AGT: variants seen among roughly 807,000 people sequenced by gnomAD.
The protein encoded by AGT is angiotensinogen.
Under a neutral mutation model 28.1 loss-of-function variants are expected in AGT, and 26 were observed. The observed-to-expected ratio is 0.92, with a 90% CI of 0.68 to 1.28. The LOEUF is 1.28. Among genes scored for constraint, AGT ranks in the 50% most tolerant of loss-of-function variants. AGT has a pLI of 0.00. For missense variants in AGT, 596 were observed against 592.3 expected (o/e 1.01, Z -0.06); for synonymous variants, 259 against 259.6 (o/e 1.00, Z 0.02).
intron 2 of AGT, among the ~76,000 whole-genome samples, chr1:230,709,154 A>G (rs1003052626): frequency 1.3e-5 from 2 of 152,238 alleles, no homozygotes; most frequent in Non-Finnish European, 1.5e-5. Flanking sequence ...GCATTTGCCC[A>G]TTGACCTTTA....
At chr1:230,739,095 C>T (rs1251418315) in intron 1 of AGT, among the ~76,000 whole-genome samples, 3 of 151,988 alleles carry the variant, frequency 2.0e-5, no homozygotes, top group Non-Finnish European at 4.4e-5. Flanking sequence ...CAGTGGCTCA[C>T]ATCTGTAACC....
At chr1:230,734,870 T>C (rs548986729) in intron 1 of AGT, among the ~76,000 whole-genome samples, 11 of 152,020 alleles carry the variant, frequency 7.2e-5, no homozygotes, top group South Asian at 4.2e-4. Context: ...CCACCACGCC[T>C]GGCTAACTTT....
upstream of AGT, among the ~76,000 whole-genome samples, chr1:230,714,723 AC>A (rs113899102): frequency 6.2e-3 from 940 of 152,286 alleles, 9 homozygotes; most frequent in African/African-American, 0.021. Context: ...TTAAACACCA[AC>A]AATAGCACAG....
chr1:230,704,105 T>A (rs913933367), intron 4 of AGT, 88 bp downstream of exon 4: 10 of 1,601,152 alleles, frequency 6.2e-6, no homozygotes, highest in Non-Finnish European at 8.6e-6. Context: ...GCCCCACCCA[T>A]AGCCTCCTCT....
upstream of AGT, among the ~76,000 whole-genome samples, chr1:230,719,412 T>TTTGTTTGTTTGTTTTTGTTTTG (rs1663801974): frequency 2.6e-5 from 2 of 76,078 alleles, no homozygotes; most frequent in Admixed American, 2.7e-4. Flanking sequence ...TTATGTTTTT[T>TTTGTTTGTTTGTTTTTGTTTTG]TTTTTTTTTT....
At chr1:230,713,018 C>T (rs2102793284) in intron 1 of AGT, among the ~76,000 whole-genome samples, 1 of 152,334 alleles carries the variant, frequency 6.6e-6, no homozygotes. Flanking sequence ...ACCCCTCTGA[C>T]CTCACCATAG....
intron 1 of AGT, among the ~76,000 whole-genome samples, chr1:230,720,028 G>A (rs1440641918): frequency 6.6e-6 from 1 of 152,162 alleles, no homozygotes; most frequent in African/African-American, 2.4e-5. Flanking sequence ...AAGGTTTAGG[G>A]GGTGGATATT....
At chr1:230,732,851 G>A (rs1664091183) in intron 1 of AGT, among the ~76,000 whole-genome samples, 1 of 152,146 alleles carries the variant, frequency 6.6e-6, no homozygotes, top group South Asian at 2.1e-4. Flanking sequence ...TCCAAGAAGT[G>A]GCCCCACATA....
intron 1 of AGT, among the ~76,000 whole-genome samples, chr1:230,727,681 T>C (rs1021663505): frequency 6.6e-6 from 1 of 152,232 alleles, no homozygotes; most frequent in African/African-American, 2.4e-5. Flanking sequence ...ATGCCTAGAA[T>C]GGGAAAATGA....
intron 1 of AGT, among the ~76,000 whole-genome samples, chr1:230,726,429 T>C (rs957052184): frequency 6.6e-6 from 1 of 152,090 alleles, no homozygotes; most frequent in African/African-American, 2.4e-5. Flanking sequence ...AGTCCTTCCA[T>C]ACCCCTTCAC....
Position 230,710,730 on chromosome 1 carries a change from A to G in AGT, c.94T>C (p.Phe32Leu). ...CTCTCATTGTGGATGACGAGGTGGA[A>G]GGGGTGTATGTACACCCGGTCACCT... The part of the protein sequence containing the change: ...AAGDRVYIHP[F>L]HLVIHNESTC... Residue 32 changes from phenylalanine (F) to leucine (L), a missense_variant, in exon 2 of 5, where the codon TTC becomes CTC. Coordinates refer to ENST00000366667, the MANE Select transcript of AGT (RefSeq NM_001384479.1). 2 of 1,614,104 alleles carry G rather than the reference A, an allele frequency of 1.2e-6. No homozygotes were observed. Among genetic ancestry groups the G allele is most frequent in the East Asian group, 2.2e-5 (1 of 44,870 alleles).
intron 1 of AGT, among the ~76,000 whole-genome samples, chr1:230,732,404 G>C (rs1271806895): frequency 1.3e-5 from 2 of 152,144 alleles, no homozygotes; most frequent in South Asian, 4.2e-4. Context: ...CCCACCAAGA[G>C]CAGGGTAGGG....
chr1:230,726,793 T>G (rs1663951549), intron 1 of AGT, among the ~76,000 whole-genome samples: 2 of 152,144 alleles, frequency 1.3e-5, no homozygotes, highest in Non-Finnish European at 2.9e-5. Context: ...TTCATCTCAT[T>G]CTTCCTCCTG....
chr1:230,737,353 C>T (rs1238539260), intron 1 of AGT, among the ~76,000 whole-genome samples: 9 of 151,986 alleles, frequency 5.9e-5, no homozygotes. Context: ...CTTTTGTCAC[C>T]AAGACTGGAG....
intron 1 of AGT, among the ~76,000 whole-genome samples, chr1:230,713,716 C>T (rs2102793822): frequency 6.6e-6 from 1 of 152,290 alleles, no homozygotes; most frequent in East Asian, 1.9e-4. Context: ...CCCGGCCCTT[C>T]CCTCCAGCCC....
At chr1:230,713,404 C>T (rs1006717847) in intron 1 of AGT, among the ~76,000 whole-genome samples, 5 of 152,182 alleles carry the variant, frequency 3.3e-5, no homozygotes, top group African/African-American at 1.2e-4. Flanking sequence ...CAGAACCAGG[C>T]CCCCTGACTC....
At chr1:230,711,974 AC>A (rs1190008049) in intron 1 of AGT, among the ~76,000 whole-genome samples, 1 of 151,712 alleles carries the variant, frequency 6.6e-6, no homozygotes, top group South Asian at 2.1e-4. Context: ...CTACCCTGAG[AC>A]CCCCAGAAGA....
chr1:230,724,526 T>C (rs1172054740), intron 1 of AGT, among the ~76,000 whole-genome samples: 1 of 152,104 alleles, frequency 6.6e-6, no homozygotes, highest in Non-Finnish European at 1.5e-5. Flanking sequence ...GAAAACTGAT[T>C]AAAAAGAATA....
At position 230,744,510 on chromosome 1, in the gene AGT, C is replaced by T. The variant is rs555326451; in HGVS notation, c.-31+1005G>A. 1.2e-4 allele frequency among the ~76,000 whole-genome samples: 19 copies of T among 152,132 alleles called. 2 individuals are homozygous for T. The highest frequency in any genetic ancestry group is 5.2e-4 in the Admixed American group (8 of 15,276). ...TAAATCCTGAGAATGCACTCCCTCC[C>T]GCAGACATTCTCAGAGTCCCAGAGT... On this transcript the variant is annotated intron_variant, in intron 1 of 4. Coordinates refer to the AGT transcript ENST00000681269.
Sources: gnomAD v4.1 joint callset for allele counts (sites outside exome capture counted in the v4.1 genomes callset) on GRCh38, gnomAD v4.1.1 for gene constraint, MANE v1.5 for transcripts, NCBI Gene and HGNC (gene_info 2026-07-23, HGNC 2026-07-21) for gene names.